The following SLC2A13 variants were observed in gnomAD, a reference collection of about 807,000 sequenced individuals.
The protein encoded by SLC2A13 is proton myo-inositol cotransporter.
In SLC2A13, 32 loss-of-function variants were observed where a neutral mutation model predicts 64.4. The observed-to-expected ratio is 0.50, with a 90% confidence interval of 0.37 to 0.67. SLC2A13 has a LOEUF of 0.67. Ranked by LOEUF, SLC2A13 falls within the 30% of genes least tolerant of loss-of-function variation. The probability of loss-of-function intolerance (pLI) is 0.00; values close to 1 mark genes in which losing one functional copy is unlikely to be tolerated. For missense variants in SLC2A13, 743 were observed against 829.2 expected, an observed-to-expected ratio of 0.90 and a Z score of 1.28; for synonymous variants, 338 against 327.1, an observed-to-expected ratio of 1.03 and a Z score of -0.36.
chr12:39,817,384 A>G (rs1942367502), intron 7 of SLC2A13, among the ~76,000 whole-genome samples: 1 of 128,674 alleles, frequency 7.8e-6, no homozygotes, highest in African/African-American at 2.6e-5. Flanking sequence ...TACTGTTTCC[A>G]TTTAGGATGG....
chr12:40,029,258 T>C (rs977846754), intron 2 of SLC2A13, among the ~76,000 whole-genome samples: 3 of 152,100 alleles, frequency 2.0e-5, no homozygotes, highest in African/African-American at 7.2e-5. Flanking sequence ...ATATCAAAGA[T>C]CTCTCCAAAT....
chr12:39,972,015 T>TATATATATATATATATATA (rs1491210436), intron 3 of SLC2A13, among the ~76,000 whole-genome samples: 14 of 80,928 alleles, frequency 1.7e-4, no homozygotes, highest in Admixed American at 1.0e-3. Flanking sequence ...TATATATATA[T>TATATATATATATATATATA]TTTTTTTTAT....
At chr12:39,903,249 G>T (rs988498617) in intron 4 of SLC2A13, among the ~76,000 whole-genome samples, 1 of 152,060 alleles carries the variant, frequency 6.6e-6, no homozygotes, top group African/African-American at 2.4e-5. Context: ...ACAAAAAGAG[G>T]ATTTCAGAAA....
At chr12:39,907,783 C>T (rs1420928980) in intron 4 of SLC2A13, 1 of 152,138 alleles carries the variant, frequency 6.6e-6, no homozygotes, top group African/African-American at 2.4e-5. Flanking sequence ...ATTAAATTAT[C>T]TTACACGCCA....
intron 7 of SLC2A13, among the ~76,000 whole-genome samples, chr12:39,776,936 G>GT (rs1940799837): frequency 2.6e-5 from 4 of 151,972 alleles, no homozygotes; most frequent in African/African-American, 7.3e-5. Context: ...ATTCCTATGG[G>GT]TTTTTTCTTT....
At chr12:39,813,854 G>C (rs1456178917) in intron 7 of SLC2A13, among the ~76,000 whole-genome samples, 1 of 152,138 alleles carries the variant, frequency 6.6e-6, no homozygotes, top group South Asian at 2.1e-4. Context: ...CCCTACACAG[G>C]CATTTTAAAA....
chr12:39,820,991 A>G (rs1394270143), intron 7 of SLC2A13, among the ~76,000 whole-genome samples: 6 of 151,742 alleles, frequency 4.0e-5, no homozygotes, highest in Admixed American at 1.3e-4. Flanking sequence ...GTGTTCCCCA[A>G]ACTTCTACTT....
At chr12:40,040,757 T>C (rs1948073650) in intron 2 of SLC2A13, among the ~76,000 whole-genome samples, 1 of 152,192 alleles carries the variant, frequency 6.6e-6, no homozygotes, top group Admixed American at 6.5e-5. Context: ...TCTATCATTC[T>C]TAAAATGACC....
chr12:39,843,623 G>T (rs4370998), intron 6 of SLC2A13, among the ~76,000 whole-genome samples: 82,843 of 151,810 alleles, frequency 0.55, 22,836 homozygotes, highest in East Asian at 0.74. Flanking sequence ...TGAAATAATA[G>T]TTGTAGGCCA....
intron 9 of SLC2A13, 78 bp from the exon 10 acceptor site, chr12:39,760,330 C>G (rs1020946203): frequency 6.0e-6 from 8 of 1,331,188 alleles, no homozygotes; most frequent in East Asian, 2.5e-5. Context: ...TTGATTTTGA[C>G]TTTTTTTTTC....
intron 7 of SLC2A13, among the ~76,000 whole-genome samples, chr12:39,802,862 A>G (rs1941839933): frequency 6.6e-6 from 1 of 152,158 alleles, no homozygotes; most frequent in African/African-American, 2.4e-5. Context: ...TCAATGAATA[A>G]TCTAGGAACC....
intron 7 of SLC2A13, among the ~76,000 whole-genome samples, chr12:39,826,637 C>A (rs1218655083): frequency 6.6e-6 from 1 of 150,892 alleles, no homozygotes; most frequent in Non-Finnish European, 1.5e-5. Context: ...TTTAAAAACT[C>A]ATTAGAAGGC....
intron 3 of SLC2A13, among the ~76,000 whole-genome samples, chr12:39,983,874 G>A (rs1469764505): frequency 7.0e-6 from 1 of 143,462 alleles, no homozygotes; most frequent in South Asian, 2.3e-4. Context: ...AAAGACACAT[G>A]CACACGTATG....
intron 6 of SLC2A13, among the ~76,000 whole-genome samples, chr12:39,854,477 G>T (rs928132746): frequency 6.6e-6 from 1 of 152,048 alleles, no homozygotes; most frequent in Non-Finnish European, 1.5e-5. Context: ...CTGCCCAAAC[G>T]CCTTTTCCCT....
At chr12:39,855,963 A>C (rs1181887422) in intron 6 of SLC2A13, among the ~76,000 whole-genome samples, 1 of 152,234 alleles carries the variant, frequency 6.6e-6, no homozygotes, top group Non-Finnish European at 1.5e-5. Context: ...GACCTGTTTT[A>C]TGCCCAGAGA....
At position 39,814,095 on chromosome 12, in the gene SLC2A13, A is replaced by G. The variant is rs1942269960; in HGVS notation, c.1445+16008T>C. ...CTGAATATTCTCTTCACTTTTGCCCATACTCTTTTCTTTCTTTGTGATAAT... is the reference window on the plus strand; with the variant it reads ...CTGAATATTCTCTTCACTTTTGCCCGTACTCTTTTCTTTCTTTGTGATAAT... On this transcript the variant is annotated intron_variant, in intron 7 of 9. Coordinates refer to ENST00000280871, the MANE Select transcript of SLC2A13 (RefSeq NM_052885.4). 2.6e-5 allele frequency among the ~76,000 whole-genome samples: 4 copies of G among 152,178 alleles called. No individual in the cohort carries two copies. In the South Asian group the frequency reaches 8.3e-4, roughly 32 times the overall value.
At position 40,105,767 on chromosome 12, in the gene SLC2A13, C is replaced by A; in HGVS notation, c.42G>T (p.Arg14=). The A allele has an allele frequency of 6.7e-7, 1 of 1,490,460 alleles. No homozygotes were observed. The highest frequency in any genetic ancestry group is 8.9e-7 in the Non-Finnish European group (1 of 1,120,632). The allele number at this position is 1,490,460 out of a possible 1,614,324, so 92.3% of individuals were successfully genotyped here. A position where few individuals can be genotyped will look rare whatever the true frequency, so the allele number is the denominator to read the frequency against. Residue 14 remains arginine, a synonymous_variant, in exon 1 of 10, where the codon CGG becomes CGT. Coordinates refer to ENST00000280871, the MANE Select transcript of SLC2A13 (RefSeq NM_052885.4). The surrounding 1 kb of genome is among the most constrained non-coding windows in gnomAD (Gnocchi z 4.2). ...GCTCGCCCATCAGGCTGCTCAGGCT[C>A]CGCAGCGTGTACTCCACATTCTCGC... ...KASENVEYTL[R]SLSSLMGERR...
At chr12:39,864,003 C>T (rs1943838732) in intron 6 of SLC2A13, among the ~76,000 whole-genome samples, 1 of 152,154 alleles carries the variant, frequency 6.6e-6, no homozygotes, top group South Asian at 2.1e-4. Flanking sequence ...AGGTCTTATT[C>T]TATCTATATG....
At chr12:40,088,591 G>A (rs879313641) in intron 1 of SLC2A13, among the ~76,000 whole-genome samples, 9 of 152,116 alleles carry the variant, frequency 5.9e-5, no homozygotes, top group Non-Finnish European at 1.2e-4. Flanking sequence ...TCTTGTCTTG[G>A]AGCTGTGTTA....
Sources: gnomAD v4.1 joint callset for allele counts (sites outside exome capture counted in the v4.1 genomes callset) on GRCh38, gnomAD v4.1.1 for gene constraint, Gnocchi (gnomAD v3.1) non-coding constraint, MANE v1.5 for transcripts, NCBI Gene and HGNC (gene_info 2026-07-23, HGNC 2026-07-21) for gene names.